Variants in WDR17 observed in about 807,000 individuals in gnomAD.
The protein encoded by WDR17 is WD repeat domain 17, also known as WD repeat-containing protein 17.
Under a neutral mutation model 161.7 loss-of-function variants are expected in WDR17, and 143 were observed. The ratio of observed to expected loss-of-function variants is 0.88; its 90% confidence interval spans 0.77 to 1.02. WDR17 has a LOEUF of 1.02. Ranked by LOEUF, WDR17 falls within the 50% of genes least tolerant of loss-of-function variation. The pLI is 0.00. For synonymous variants in WDR17, 517 were observed against 515.6 expected, an observed-to-expected ratio of 1.00 and a Z score of -0.04; for missense variants, 1,469 against 1,520.9, an observed-to-expected ratio of 0.97 and a Z score of 0.57.
intron 20 of WDR17, 139 bp from the exon 21 acceptor site, chr4:176,161,936 T>C: frequency 1.5e-6 from 1 of 649,944 alleles, no homozygotes. Context: ...GATTTATTTT[T>C]TCCAAAAACA....
intron 1 of WDR17, among the ~76,000 whole-genome samples, chr4:176,087,040 A>G (rs1246923711): frequency 6.6e-6 from 1 of 151,858 alleles, no homozygotes; most frequent in Non-Finnish European, 1.5e-5. Flanking sequence ...TACTGTTTTC[A>G]TATAATTTAG....
intron 1 of WDR17, chr4:176,068,395 T>A (rs1261532703): frequency 5.3e-5 from 8 of 151,764 alleles, no homozygotes; most frequent in Non-Finnish European, 1.2e-4. Context: ...AGGTGAGGAG[T>A]TTGAGACCAG....
At chr4:176,175,520 G>T (rs1363304735) in intron 26 of WDR17, among the ~76,000 whole-genome samples, 2 of 147,610 alleles carry the variant, frequency 1.4e-5, no homozygotes, top group East Asian at 2.0e-4. Context: ...CAGAGGGTCC[G>T]TGGTTAAGCA....
chr4:176,174,869 A>G (rs1751225481), intron 26 of WDR17, 151 bp downstream of exon 26: 1 of 458,656 alleles, frequency 2.2e-6, no homozygotes, highest in African/African-American at 2.0e-5. Context: ...AGCAGCACAT[A>G]AATTAGGGAT....
At chr4:176,102,780 G>C (rs1738027102) in intron 1 of WDR17, among the ~76,000 whole-genome samples, 1 of 152,132 alleles carries the variant, frequency 6.6e-6, no homozygotes, top group African/African-American at 2.4e-5. Flanking sequence ...CAGAATCTAT[G>C]AAGGCTTGCA....
At chr4:176,144,275 A>G (rs1421163961) in intron 11 of WDR17, among the ~76,000 whole-genome samples, 1 of 152,172 alleles carries the variant, frequency 6.6e-6, no homozygotes, top group Non-Finnish European at 1.5e-5. Flanking sequence ...TGGAGCACTT[A>G]ATATAATAAA....
In WDR17 at chr4:176,180,383, C is replaced by T. The variant is rs1752040279; in HGVS notation, c.*804C>T. ...TGTGTACAATAATTTACACAGTATACTCTAGTCAATTTATGTTAACTTTAT... is the reference window on the plus strand; with the variant it reads ...TGTGTACAATAATTTACACAGTATATTCTAGTCAATTTATGTTAACTTTAT... On this transcript the variant is annotated 3_prime_UTR_variant, in exon 29 of 29. Coordinates refer to ENST00000508596, the MANE Select transcript of WDR17 (RefSeq NM_181265.4). 1 of 152,148 alleles carries T rather than the reference C, an allele frequency of 6.6e-6. No individual in the cohort carries two copies. 9.4% of individuals were successfully genotyped at this position (152,148 alleles called of 1,614,324 possible). A position where few individuals can be genotyped will look rare whatever the true frequency, so the allele number is the denominator to read the frequency against.
At chr4:176,144,640 T>C (rs1454187906) in intron 11 of WDR17, among the ~76,000 whole-genome samples, 2 of 152,202 alleles carry the variant, frequency 1.3e-5, no homozygotes, top group African/African-American at 4.8e-5. Context: ...AAGTCCTTTA[T>C]ATTTAACTAT....
At position 176,163,251 on chromosome 4, in the gene WDR17, C is replaced by T. The variant is rs922335360; in HGVS notation, c.2948C>T (p.Ala983Val). The T allele has an allele frequency of 6.2e-7, 1 of 1,612,424 alleles. No individual in the cohort carries two copies. Among genetic ancestry groups the T allele is most frequent in the Admixed American group, 1.7e-5 (1 of 59,604 alleles). The change falls in exon 22 of 29, where the codon GCC (alanine) becomes GTC (valine). Residue 983 changes from alanine to valine, a missense_variant. Transcript: ENST00000508596. Reference protein sequence around the residue: ...GESAAPATHYALELLARKCMM... With the variant: ...GESAAPATHYVLELLARKCMM... ...TCTGCAGCACCAGCAACCCACTATG[C>T]CTTAGAATTACTGGCGAGAAAGTGC...
rs148130848 is a variant in WDR17, at chr4:176,119,695, C to A, written c.308-172C>A. Among the ~76,000 whole-genome samples, 192 of 152,210 alleles carry A rather than the reference C, an allele frequency of 1.3e-3. 1 individual carries two copies. The highest frequency in any genetic ancestry group is 4.5e-3 in the African/African-American group (186 of 41,536). ...TTTCTTTCATCATGGACTTTCCCTG[C>A]CTATGTTCCCTGCAGTCTTTGGGAT... On this transcript the variant is annotated intron_variant, in intron 3 of 28. Transcript: ENST00000508596.
chr4:176,102,128 T>C (rs1737919462), intron 1 of WDR17, among the ~76,000 whole-genome samples: 1 of 152,162 alleles, frequency 6.6e-6, no homozygotes, highest in Non-Finnish European at 1.5e-5. Flanking sequence ...AGATCTGTTA[T>C]CCAAAATATA....
intron 22 of WDR17, among the ~76,000 whole-genome samples, chr4:176,166,522 C>T (rs768059623): frequency 1.1e-4 from 16 of 152,042 alleles, no homozygotes; most frequent in Non-Finnish European, 1.8e-4. Flanking sequence ...GTGTACTGAA[C>T]TCTCAAAAAA....
intron 23 of WDR17, among the ~76,000 whole-genome samples, chr4:176,171,796 G>A (rs1176379597): frequency 6.6e-6 from 1 of 151,828 alleles, no homozygotes; most frequent in African/African-American, 2.4e-5. Context: ...GAGGAATGTG[G>A]CTTTTTATTT....
In WDR17 at chr4:176,131,585, T is replaced by C; in HGVS notation, c.945T>C (p.Tyr315=). The C allele has an allele frequency of 6.2e-7, 1 of 1,610,730 alleles. No homozygotes were observed. Among genetic ancestry groups the C allele is most frequent in the South Asian group, 1.1e-5 (1 of 90,478 alleles). ...FSVQSPTKNH[Y]TSSTSEAVPP... The stretch of plus-strand genomic sequence containing the variant: ...TCCAATCTCCAACCAAAAATCATTA[T>C]ACATCCTCAACAAGCGAAGCAGTTC... Residue 315 remains tyrosine (Y), a synonymous_variant, in exon 7 of 29, where the codon TAT becomes TAC. Transcript: ENST00000508596.
rs1028677297 is a variant in WDR17 at position 176,149,740 on chromosome 4, A to G, written c.1898-67A>G. 242 of 1,577,016 alleles carry G rather than the reference A, an allele frequency of 1.5e-4. 1 individual carries two copies. The highest frequency in any genetic ancestry group is 2.5e-5 in the Non-Finnish European group (29 of 1,162,200). On this transcript the variant is annotated intron_variant, in intron 13 of 28. Transcript: ENST00000508596. ...CTTCAATTCTGTAGAAGTTTTATGA[A>G]GCACATATAAATAAAAAATATTTTT...
intron 11 of WDR17, among the ~76,000 whole-genome samples, chr4:176,144,525 C>CT (rs2126798061): frequency 6.6e-6 from 1 of 152,248 alleles, no homozygotes; most frequent in South Asian, 2.1e-4. Flanking sequence ...TCCTATTTCT[C>CT]TGTTTTATAG....
chr4:176,073,545 A>C (rs1277178530), intron 1 of WDR17, among the ~76,000 whole-genome samples: 1 of 151,644 alleles, frequency 6.6e-6, no homozygotes, highest in African/African-American at 2.4e-5. Flanking sequence ...TGCTATTGTG[A>C]ATAGTGCCGC....
At chr4:176,172,896 T>A (rs374817056) in intron 24 of WDR17, among the ~76,000 whole-genome samples, 2 of 152,108 alleles carry the variant, frequency 1.3e-5, no homozygotes, top group East Asian at 3.9e-4. Context: ...ACCAAGGGGA[T>A]TGCACTAAGC....
In WDR17 at chr4:176,154,738, A is replaced by G. The variant is rs1010892550; in HGVS notation, c.2461-1341A>G. 3.3e-5 allele frequency among the ~76,000 whole-genome samples: 5 copies of G among 152,320 alleles called. No homozygotes were observed. In the South Asian group the frequency reaches 1.0e-3, roughly 32 times the overall value. ...TAGTATTAAAAATTGCCTGTTTAAA[A>G]TTTAACGTATTATTTTCTGGTTAAT... On this transcript the variant is annotated intron_variant, in intron 17 of 28. Transcript: ENST00000508596.
Sources: gnomAD v4.1 joint callset for allele counts (sites outside exome capture counted in the v4.1 genomes callset) on GRCh38, gnomAD v4.1.1 for gene constraint, MANE v1.5 for transcripts, NCBI Gene and HGNC (gene_info 2026-07-23, HGNC 2026-07-21) for gene names.